The following ASIC2 variants were observed in gnomAD, a reference collection of about 807,000 sequenced individuals.
ASIC2 encodes the protein acid-sensing ion channel 2.
Under a neutral mutation model 57.3 loss-of-function variants are expected in ASIC2, and 25 were observed. The ratio of observed to expected loss-of-function variants is 0.44; its 90% CI spans 0.32 to 0.61. ASIC2 has a LOEUF of 0.61. ASIC2 is among the 20% of genes least tolerant of loss of function. The pLI is 0.06. For missense variants in ASIC2, 641 were observed against 738.1 expected (o/e 0.87, Z 1.52); for synonymous variants, 319 against 307.5 (o/e 1.04, Z -0.39).
At chr17:33,086,987 A>G (rs1161070043) in intron 3 of ASIC2, among the ~76,000 whole-genome samples, 1 of 151,966 alleles carries the variant, frequency 6.6e-6, no homozygotes, top group Non-Finnish European at 1.5e-5. Context: ...GGCCCTCTCT[A>G]TGAATTGGGG....
intron 1 of ASIC2, among the ~76,000 whole-genome samples, chr17:33,412,045 C>T (rs537100996): frequency 6.6e-6 from 1 of 151,244 alleles, no homozygotes; most frequent in South Asian, 2.1e-4. Flanking sequence ...CAAAACAAAA[C>T]ACAACCAAAA....
intron 1 of ASIC2, among the ~76,000 whole-genome samples, chr17:33,820,411 C>T (rs1385538585): frequency 1.3e-5 from 2 of 152,172 alleles, no homozygotes; most frequent in Non-Finnish European, 2.9e-5. Context: ...ACATTGGTTA[C>T]ATGTTGAACT....
chr17:33,434,430 A>C (rs961785710), intron 1 of ASIC2, among the ~76,000 whole-genome samples: 1 of 152,204 alleles, frequency 6.6e-6, no homozygotes, highest in Non-Finnish European at 1.5e-5. Flanking sequence ...ACTGCACTTT[A>C]AGAAGAAAAA....
chr17:34,067,037 G>A (rs895628764), intron 1 of ASIC2, among the ~76,000 whole-genome samples: 2 of 152,228 alleles, frequency 1.3e-5, no homozygotes. Flanking sequence ...CAGCTGCCAT[G>A]TCCTCTTCTC....
At chr17:33,219,639 G>A (rs1907622722) in intron 1 of ASIC2, among the ~76,000 whole-genome samples, 1 of 152,078 alleles carries the variant, frequency 6.6e-6, no homozygotes. Flanking sequence ...TGTGTCCTGC[G>A]GGACTCTGGG....
chr17:33,895,035 T>A (rs1350276570), intron 1 of ASIC2, among the ~76,000 whole-genome samples: 1 of 152,224 alleles, frequency 6.6e-6, no homozygotes, highest in African/African-American at 2.4e-5. Flanking sequence ...GCTGCTGGGT[T>A]GTACATTCAA....
intron 1 of ASIC2, among the ~76,000 whole-genome samples, chr17:34,083,960 C>T (rs1395506508): frequency 6.6e-6 from 1 of 151,896 alleles, no homozygotes; most frequent in African/African-American, 2.4e-5. Flanking sequence ...AATTTTCTCC[C>T]ATTCTGTAGG....
chr17:33,689,941 C>T (rs1464684782), intron 1 of ASIC2, among the ~76,000 whole-genome samples: 1 of 152,230 alleles, frequency 6.6e-6, no homozygotes, highest in African/African-American at 2.4e-5. Flanking sequence ...GGGCGTGCAG[C>T]CCTGCTGATA....
intron 1 of ASIC2, among the ~76,000 whole-genome samples, chr17:33,883,091 T>C (rs111859148): frequency 0.14 from 20,750 of 150,792 alleles, 1,451 homozygotes; most frequent in South Asian, 0.21. Flanking sequence ...GGGGAACATG[T>C]TGTGGGGTGG....
At chr17:33,708,942 T>C (rs1163015815) in intron 1 of ASIC2, among the ~76,000 whole-genome samples, 3 of 152,252 alleles carry the variant, frequency 2.0e-5, no homozygotes, top group Non-Finnish European at 4.4e-5. Flanking sequence ...TTTGGCTTGC[T>C]GCCTTGAGCC....
At chr17:33,195,943 A>G (rs1906608718) in intron 1 of ASIC2, among the ~76,000 whole-genome samples, 2 of 152,178 alleles carry the variant, frequency 1.3e-5, no homozygotes, top group African/African-American at 4.8e-5. Context: ...TTAAACCACA[A>G]TAACTTTTGC....
intron 1 of ASIC2, among the ~76,000 whole-genome samples, chr17:33,597,681 G>A (rs113003044): frequency 6.6e-6 from 1 of 152,264 alleles, no homozygotes; most frequent in Non-Finnish European, 1.5e-5. Context: ...GATGGAATCA[G>A]CGATGGAAGA....
At chr17:33,987,870 C>T (rs940989176) in intron 1 of ASIC2, among the ~76,000 whole-genome samples, 7 of 152,110 alleles carry the variant, frequency 4.6e-5, no homozygotes, top group African/African-American at 1.7e-4. Flanking sequence ...GCAGATGAGA[C>T]ATATTTTAAT....
chr17:34,063,359 G>A (rs1909040583), intron 1 of ASIC2, among the ~76,000 whole-genome samples: 1 of 151,970 alleles, frequency 6.6e-6, no homozygotes, highest in Admixed American at 6.6e-5. Context: ...AGCATACAAG[G>A]GACATACCTT....
At chr17:34,060,362 T>A (rs1383977508) in intron 1 of ASIC2, among the ~76,000 whole-genome samples, 1 of 152,160 alleles carries the variant, frequency 6.6e-6, no homozygotes, top group Non-Finnish European at 1.5e-5. Flanking sequence ...CAGCCCTAGA[T>A]CTTCCCCCTG....
intron 1 of ASIC2, among the ~76,000 whole-genome samples, chr17:33,192,268 A>G (rs1906449066): frequency 6.6e-6 from 1 of 152,162 alleles, no homozygotes; most frequent in African/African-American, 2.4e-5. Context: ...CTGTAATCCC[A>G]TCTACTTGGG....
chr17:33,588,369 C>T (rs1904708810), intron 1 of ASIC2, among the ~76,000 whole-genome samples: 1 of 152,192 alleles, frequency 6.6e-6, no homozygotes. Context: ...ACCTCACCTC[C>T]CTCATCTGTT....
At chr17:33,554,007 A>G (rs1325361643) in intron 1 of ASIC2, among the ~76,000 whole-genome samples, 1 of 152,210 alleles carries the variant, frequency 6.6e-6, no homozygotes, top group African/African-American at 2.4e-5. Context: ...AAGCATCCAG[A>G]AACAGCAGAA....
At chr17:33,032,540 C>T (rs983305773) in intron 3 of ASIC2, among the ~76,000 whole-genome samples, 1 of 144,698 alleles carries the variant, frequency 6.9e-6, no homozygotes, top group Non-Finnish European at 1.5e-5. Flanking sequence ...TCTCTGTCTC[C>T]TGGGTTTAAG....
Sources: gnomAD v4.1 joint callset for allele counts (sites outside exome capture counted in the v4.1 genomes callset) on GRCh38, gnomAD v4.1.1 for gene constraint, MANE v1.5 for transcripts, NCBI Gene and HGNC (gene_info 2026-07-23, HGNC 2026-07-21) for gene names.